Variants in GNAI1 observed in about 807,000 individuals in gnomAD.
GNAI1 encodes G protein subunit alpha i1.
GNAI1 carries 11 observed loss-of-function variants against 38.9 expected under a neutral mutation model. That is an observed-to-expected ratio of 0.28 (90% confidence interval 0.18 to 0.47). The LOEUF is 0.47. Among genes scored for constraint, GNAI1 ranks in the 20% least tolerant of loss-of-function variants. The probability of loss-of-function intolerance (pLI) is 0.99; values close to 1 mark genes in which losing one functional copy is unlikely to be tolerated. For missense variants in GNAI1, 317 were observed against 436.9 expected (o/e 0.73, Z 2.45); for synonymous variants, 166 against 145.1 (o/e 1.14, Z -1.04).
At chr7:80,169,218 C>A (rs1318021631) in intron 1 of GNAI1, among the ~76,000 whole-genome samples, 1 of 152,152 alleles carries the variant, frequency 6.6e-6, no homozygotes, top group African/African-American at 2.4e-5. Flanking sequence ...CGGTGGTTTT[C>A]CATCCACTTG....
chr7:80,195,564 A>G (rs886675536), intron 3 of GNAI1, among the ~76,000 whole-genome samples: 5 of 152,048 alleles, frequency 3.3e-5, no homozygotes, highest in Admixed American at 6.6e-5. Context: ...ATAATCCATC[A>G]CATAAACAGA....
intron 1 of GNAI1, among the ~76,000 whole-genome samples, chr7:80,185,566 C>T (rs955142087): frequency 6.6e-6 from 1 of 152,124 alleles, no homozygotes; most frequent in Non-Finnish European, 1.5e-5. Context: ...CCCCTAAAAA[C>T]GCTAGCCCCA....
At position 80,181,062 on chromosome 7, in the gene GNAI1, GA is replaced by G. The variant is rs369241318; in HGVS notation, c.119-7880del. Among the ~76,000 whole-genome samples, 467 of 149,496 alleles carry G rather than the reference GA, an allele frequency of 3.1e-3. 6 individuals carry two copies. The highest frequency in any genetic ancestry group is 0.011 in the Middle Eastern group (3 of 284). ...AGACCAGCTCATTCCTTTGTGGGAG[GA>G]AAAAAAAATCACTGTATCTTAAGTG... On this transcript the variant is annotated intron_variant, in intron 1 of 7. Transcript: ENST00000649796.
At chr7:80,167,596 A>G (rs1388278545) in intron 1 of GNAI1, among the ~76,000 whole-genome samples, 1 of 152,240 alleles carries the variant, frequency 6.6e-6, no homozygotes, top group African/African-American at 2.4e-5. Context: ...TATTAGAGAA[A>G]TAAAAGTAAT....
chr7:80,135,654 C>CCCCG, intron 1 of GNAI1: 1 of 159,642 alleles, frequency 6.3e-6, no homozygotes, highest in South Asian at 3.0e-4. Flanking sequence ...AAACACCCCC[C>CCCCG]CCCCCGCGCC....
intron 1 of GNAI1, among the ~76,000 whole-genome samples, chr7:80,171,700 A>C (rs565234841): frequency 3.3e-5 from 5 of 152,126 alleles, no homozygotes; most frequent in African/African-American, 1.2e-4. Context: ...TCCGGAACCA[A>C]ATTTGCTTCT....
intron 5 of GNAI1, among the ~76,000 whole-genome samples, chr7:80,209,489 T>C (rs1788837273): frequency 6.6e-6 from 1 of 152,218 alleles, no homozygotes; most frequent in Non-Finnish European, 1.5e-5. Flanking sequence ...GTTAACTGAT[T>C]ACAGATGTTA....
intron 1 of GNAI1, among the ~76,000 whole-genome samples, chr7:80,174,460 T>TC (rs1788148439): frequency 6.6e-6 from 1 of 151,470 alleles, no homozygotes; most frequent in Non-Finnish European, 1.5e-5. Context: ...CTGCTGTTTT[T>TC]TTTTTTTTAG....
At position 80,220,168 on chromosome 7, in the gene GNAI1, G is replaced by A. The variant is rs7800163; in HGVS notation, c.*2675G>A. Among the ~76,000 whole-genome samples, 40,361 of 151,986 alleles carry A rather than the reference G, an allele frequency of 0.27. 6,691 individuals are homozygous for A. The highest frequency in any genetic ancestry group is 0.47 in the African/African-American group (19,486 of 41,410). ...TAATGCTCTTCATCACCTGAGGCCT[G>A]TTCCTTTCTACACTGTATCCAAATA... On this transcript the variant is annotated 3_prime_UTR_variant, in exon 8 of 8. Transcript: ENST00000649796.
intron 5 of GNAI1, among the ~76,000 whole-genome samples, chr7:80,207,043 G>GT (rs768781899): frequency 6.6e-6 from 1 of 152,066 alleles, no homozygotes; most frequent in Non-Finnish European, 1.5e-5. Context: ...TGGAGTTGGA[G>GT]TTAACAAGTA....
chr7:80,170,108 A>G (rs1366905214), intron 1 of GNAI1, among the ~76,000 whole-genome samples: 1 of 152,160 alleles, frequency 6.6e-6, no homozygotes, highest in African/African-American at 2.4e-5. Context: ...TTTTGCTATT[A>G]TGATGCTGCT....
intron 1 of GNAI1, among the ~76,000 whole-genome samples, chr7:80,145,008 C>T (rs1787593644): frequency 6.6e-6 from 1 of 152,140 alleles, no homozygotes; most frequent in Non-Finnish European, 1.5e-5. Context: ...CAACACTGAG[C>T]ACTTGCCTCC....
intron 1 of GNAI1, among the ~76,000 whole-genome samples, chr7:80,142,664 C>G (rs1787547206): frequency 6.6e-6 from 1 of 152,096 alleles, no homozygotes; most frequent in Non-Finnish European, 1.5e-5. Context: ...GACTAGTTTT[C>G]TTTTAAAGGG....
chr7:80,207,361 T>A (rs1788794248), intron 5 of GNAI1, among the ~76,000 whole-genome samples: 1 of 152,126 alleles, frequency 6.6e-6, no homozygotes, highest in South Asian at 2.1e-4. Context: ...TTCAAACTTG[T>A]CATTTCAACA....
At chr7:80,213,899 T>C (rs1788916031) in intron 7 of GNAI1, among the ~76,000 whole-genome samples, 1 of 152,058 alleles carries the variant, frequency 6.6e-6, no homozygotes, top group African/African-American at 2.4e-5. Context: ...TTTTCCTCAG[T>C]CTTGTGTTGA....
intron 1 of GNAI1, among the ~76,000 whole-genome samples, chr7:80,152,784 C>CGATCTCCT (rs370297621): frequency 3.3e-5 from 5 of 151,748 alleles, no homozygotes; most frequent in African/African-American, 4.8e-5. Flanking sequence ...AGGATGGTCT[C>CGATCTCCT]GATCTCCTGA....
chr7:80,205,304 A>T (rs1264428889), intron 5 of GNAI1, among the ~76,000 whole-genome samples: 1 of 151,986 alleles, frequency 6.6e-6, no homozygotes, highest in Non-Finnish European at 1.5e-5. Flanking sequence ...AGTTTAACAG[A>T]TAGGGATATT....
At chr7:80,203,176 G>T (rs1283978264) in intron 4 of GNAI1, among the ~76,000 whole-genome samples, 2 of 152,168 alleles carry the variant, frequency 1.3e-5, no homozygotes, top group African/African-American at 2.4e-5. Flanking sequence ...GCAGTAAAGT[G>T]CAGCGTAAAG....
intron 1 of GNAI1, among the ~76,000 whole-genome samples, chr7:80,179,039 T>C (rs1039489835): frequency 9.2e-5 from 14 of 152,344 alleles, no homozygotes; most frequent in Non-Finnish European, 1.8e-4. Flanking sequence ...GGAATAGATA[T>C]GAGAATCCAG....
Sources: gnomAD v4.1 joint callset for allele counts (sites outside exome capture counted in the v4.1 genomes callset) on GRCh38, gnomAD v4.1.1 for gene constraint, MANE v1.5 for transcripts, NCBI Gene and HGNC (gene_info 2026-07-23, HGNC 2026-07-21) for gene names.